The following UGT1A7 variants were observed in gnomAD, a reference collection of about 807,000 sequenced individuals.
UGT1A7 encodes UDP-glucuronosyltransferase 1A7.
Under a neutral mutation model 45.6 loss-of-function variants are expected in UGT1A7, and 33 were observed. The observed-to-expected ratio is 0.72, with a 90% CI of 0.55 to 0.97. The LOEUF (loss-of-function observed/expected upper bound fraction) is 0.97. UGT1A7 is among the 50% of genes least tolerant of loss of function. The pLI is 0.00. For synonymous variants in UGT1A7, 274 were observed against 250.6 expected, an observed-to-expected ratio of 1.09 and a Z score of -0.88; for missense variants, 684 against 666.2, an observed-to-expected ratio of 1.03 and a Z score of -0.29.
Position 233,772,687 on chromosome 2 carries a change from A to G in UGT1A7, c.*128A>G. 2 of 1,493,882 alleles carry G rather than the reference A, an allele frequency of 1.3e-6. No homozygotes were observed. Among genetic ancestry groups the G allele is most frequent in the South Asian group, 2.6e-5 (2 of 76,070 alleles). The allele number at this position is 1,493,882 out of a possible 1,614,324, so 92.5% of individuals were successfully genotyped here. On this transcript the variant is annotated 3_prime_UTR_variant, in exon 5 of 5. Coordinates refer to ENST00000373426, the MANE Select transcript of UGT1A7 (RefSeq NM_019077.3). ...TACTTTGCATAAATTAATCAGCCCC[A>G]GAGTGCTTTAAAAAATTCTCTTAAA...
At chr2:233,768,058 C>A in intron 3 of UGT1A7, 122 bp downstream of exon 3, 3 of 1,601,872 alleles carry the variant, frequency 1.9e-6, no homozygotes, top group Non-Finnish European at 2.6e-6. Context: ...TCCTACATTG[C>A]TTTTTATCTA....
chr2:233,734,069 C>T (rs2078473996), intron 1 of UGT1A7, among the ~76,000 whole-genome samples: 1 of 152,054 alleles, frequency 6.6e-6, no homozygotes, highest in South Asian at 2.1e-4. Context: ...AACAAACCTG[C>T]ACATTGTGCA....
At chr2:233,738,407 A>T (rs568263428) in intron 1 of UGT1A7, among the ~76,000 whole-genome samples, 3 of 152,352 alleles carry the variant, frequency 2.0e-5, no homozygotes, top group African/African-American at 7.2e-5. Context: ...GAACTGGGTA[A>T]CAGGCAGAGG....
At chr2:233,714,435 T>C (rs1325584515) in intron 1 of UGT1A7, among the ~76,000 whole-genome samples, 1 of 152,078 alleles carries the variant, frequency 6.6e-6, no homozygotes, top group African/African-American at 2.4e-5. Context: ...AAACACAGAG[T>C]TCAGTTTCCA....
At chr2:233,767,444 TAAA>T (rs1699395657) in intron 2 of UGT1A7, among the ~76,000 whole-genome samples, 1 of 152,186 alleles carries the variant, frequency 6.6e-6, no homozygotes, top group Non-Finnish European at 1.5e-5. Flanking sequence ...TATTTAAAAA[TAAA>T]ATAAATGGGA....
At chr2:233,767,657 C>T (rs1486356449) in intron 2 of UGT1A7, among the ~76,000 whole-genome samples, 192 bp from the exon 3 acceptor site, 2 of 152,174 alleles carry the variant, frequency 1.3e-5, no homozygotes, top group Non-Finnish European at 2.9e-5. Flanking sequence ...AGTGCATACA[C>T]CCTTGTAACT....
chr2:233,757,450 T>C (rs1696530836), intron 1 of UGT1A7, among the ~76,000 whole-genome samples: 1 of 150,428 alleles, frequency 6.6e-6, no homozygotes, highest in African/African-American at 2.5e-5. Context: ...TACAGAAACA[T>C]GTCCAGAGCG....
intron 1 of UGT1A7, among the ~76,000 whole-genome samples, chr2:233,709,998 CAATTA>C (rs2076103213): frequency 3.3e-5 from 5 of 152,170 alleles, no homozygotes; most frequent in African/African-American, 9.7e-5. Context: ...TGGAATCATA[CAATTA>C]TGAATGAAAA....
intron 1 of UGT1A7, among the ~76,000 whole-genome samples, chr2:233,688,055 C>T (rs1030509635): frequency 4.6e-5 from 7 of 152,218 alleles, no homozygotes; most frequent in Non-Finnish European, 7.3e-5. Context: ...TTCCTCACTC[C>T]AAAAAGAAAC....
At chr2:233,725,472 G>A (rs2125714310) in intron 1 of UGT1A7, among the ~76,000 whole-genome samples, 1 of 152,100 alleles carries the variant, frequency 6.6e-6, no homozygotes, top group East Asian at 1.9e-4. Context: ...TAGTGGGCAT[G>A]TTAGAAACCA....
intron 1 of UGT1A7, among the ~76,000 whole-genome samples, chr2:233,739,983 A>G (rs28900077): frequency 6.6e-6 from 1 of 151,864 alleles, no homozygotes; most frequent in Non-Finnish European, 1.5e-5. Context: ...AGTTTTCCCC[A>G]TGCTGTTCTT....
At chr2:233,711,885 A>T (rs1353454537) in intron 1 of UGT1A7, among the ~76,000 whole-genome samples, 1 of 152,222 alleles carries the variant, frequency 6.6e-6, no homozygotes, top group African/African-American at 2.4e-5. Context: ...GAGCAGGACG[A>T]GTCTCATGGG....
intron 1 of UGT1A7, among the ~76,000 whole-genome samples, chr2:233,759,718 G>C (rs914055324): frequency 2.0e-5 from 3 of 151,782 alleles, no homozygotes; most frequent in African/African-American, 7.3e-5. Context: ...TCGTGTGGTG[G>C]GCTCTGCTGC....
intron 1 of UGT1A7, chr2:233,729,358 A>T: frequency 1.9e-6 from 3 of 1,614,176 alleles, no homozygotes; most frequent in East Asian, 4.5e-5. Context: ...TTTCACCCTG[A>T]CAACCTATGC....
chr2:233,765,343 C>G (rs189255390), intron 1 of UGT1A7, among the ~76,000 whole-genome samples: 22 of 152,252 alleles, frequency 1.4e-4, no homozygotes, highest in African/African-American at 5.3e-4. Flanking sequence ...ATAACAAAGT[C>G]ATGGAACCAA....
At chr2:233,767,365 A>C (rs559747453) in intron 2 of UGT1A7, among the ~76,000 whole-genome samples, 200 bp downstream of exon 2, 45 of 152,316 alleles carry the variant, frequency 3.0e-4, no homozygotes, top group Non-Finnish European at 4.4e-4. Flanking sequence ...ATACTCTATT[A>C]AACTATGATC....
chr2:233,708,956 T>C (rs1167417954), intron 1 of UGT1A7, among the ~76,000 whole-genome samples: 1 of 152,154 alleles, frequency 6.6e-6, no homozygotes, highest in African/African-American at 2.4e-5. Flanking sequence ...CATTTATATG[T>C]TTCCATTTCT....
chr2:233,682,842 T>C, intron 1 of UGT1A7, 50 bp downstream of exon 1: 6 of 1,547,036 alleles, frequency 3.9e-6, no homozygotes, highest in Non-Finnish European at 5.2e-6. Context: ...CTTTGGAAAT[T>C]AAAAGATTTC....
chr2:233,710,141 G>C (rs1559356797), intron 1 of UGT1A7, among the ~76,000 whole-genome samples: 1 of 152,156 alleles, frequency 6.6e-6, no homozygotes, highest in Non-Finnish European at 1.5e-5. Context: ...TCATTGTATA[G>C]ATATATCATC....
Sources: gnomAD v4.1 joint callset for allele counts (sites outside exome capture counted in the v4.1 genomes callset) on GRCh38, gnomAD v4.1.1 for gene constraint, MANE v1.5 for transcripts, NCBI Gene and HGNC (gene_info 2026-07-23, HGNC 2026-07-21) for gene names.